The following ROGDI variants were observed in gnomAD, a reference collection of about 807,000 sequenced individuals.
ROGDI encodes the protein protein rogdi homolog.
Under a neutral mutation model 43.1 loss-of-function variants are expected in ROGDI, and 46 were observed. The observed-to-expected ratio is 1.07, with a 90% confidence interval of 0.84 to 1.37. The LOEUF is 1.37. Ranked by LOEUF, ROGDI falls within the 40% of genes most tolerant of loss-of-function variation. The pLI, the probability that ROGDI is intolerant of heterozygous loss-of-function variation, is 0.00. For synonymous variants in ROGDI, 243 were observed against 162.0 expected (o/e 1.50, Z -3.80); for missense variants, 518 against 383.9 (o/e 1.35, Z -2.92).
chr16:4,798,593 G>A lies in ROGDI; in HGVS notation c.507C>T (p.Pro169=), dbSNP rs767771299. The change falls in exon 7 of 11, where the codon CCC becomes CCT. Residue 169 remains proline, a synonymous_variant. Coordinates refer to ENST00000322048, the MANE Select transcript of ROGDI (RefSeq NM_024589.3). ...CCGTGAGGCCGCTGGCGGCGATCTCGGGGAGGGTGAGGGTGGCGGGGGTGG... is the reference window on the plus strand; with the variant it reads ...CCGTGAGGCCGCTGGCGGCGATCTCAGGGAGGGTGAGGGTGGCGGGGGTGG... ...RLTTPATLTL[P]EIAASGLTRM... is the part of the protein sequence containing the mutation. The A allele has an allele frequency of 3.2e-6, 5 of 1,570,250 alleles. No individual in the cohort carries two copies. Among genetic ancestry groups the A allele is most frequent in the Admixed American group, 1.9e-5 (1 of 52,804 alleles).
Position 4,799,681 on chromosome 16 carries a change from C to G in ROGDI, c.432+5G>C, listed in dbSNP as rs745852068. Reference sequence around the variant, plus strand: ...GCCCAGGAGTCAGGCCCGGGGGCAGCTCACCTTGAGGACCTCAGCGCCCGT... The same window carrying G: ...GCCCAGGAGTCAGGCCCGGGGGCAGGTCACCTTGAGGACCTCAGCGCCCGT... On this transcript the variant is annotated splice_donor_5th_base_variant and intron_variant, in intron 6 of 10. Transcript: ENST00000322048. The G allele has an allele frequency of 1.2e-6, 2 of 1,610,626 alleles. No individual in the cohort carries two copies. Among genetic ancestry groups the G allele is most frequent in the Non-Finnish European group, 8.5e-7 (1 of 1,177,720 alleles).
In ROGDI at chr16:4,801,296, T is replaced by C; in HGVS notation, c.226A>G (p.Thr76Ala). 1 of 1,608,792 alleles carries C rather than the reference T, an allele frequency of 6.2e-7. No homozygotes were observed. The highest frequency in any genetic ancestry group is 8.5e-7 in the Non-Finnish European group (1 of 1,176,450). Residue 76 changes from threonine (T) to alanine (A), a missense_variant, in exon 4 of 11, where the codon ACT becomes GCT. Thr to Ala is a moderately conservative substitution (Grantham distance 58, BLOSUM62 0). Coordinates refer to ENST00000322048, the MANE Select transcript of ROGDI (RefSeq NM_024589.3). Reference sequence around the variant, plus strand: ...TGGCTGAGGGCATCCCCCTGCAGAGTCAGCACACCCTTCACCTGGTCTGTG... The same window carrying C: ...TGGCTGAGGGCATCCCCCTGCAGAGCCAGCACACCCTTCACCTGGTCTGTG... ...CGTDQVKGVL[T>A]LQGDALSQAD...
chr16:4,797,823 C>T lies in ROGDI; in HGVS notation c.713G>A (p.Arg238His), dbSNP rs138409264. 8,991 of 1,612,036 alleles carry T rather than the reference C, an allele frequency of 5.6e-3. 35 individuals are homozygous for T. The highest frequency in any genetic ancestry group is 6.1e-3 in the Non-Finnish European group (7,252 of 1,179,924). Residue 238 changes from arginine (R) to histidine (H), a missense_variant, in exon 10 of 11, where the codon CGC becomes CAC. Transcript: ENST00000322048. ...PGAMFEWGSQ[R>H]LEVSHVHKVE... ...TTTGTGCACGTGGCTCACCTCCAGG[C>T]GCTGAGAGCCCCACTCGCTGTGGGC...
chr16:4,800,879 C>T, intron 4 of ROGDI: 2 of 519,668 alleles, frequency 3.8e-6, no homozygotes, highest in South Asian at 2.5e-5. Flanking sequence ...CATCTAGTGT[C>T]TACAAAGGGC....
At chr16:4,798,859 A>C (rs527381971) in intron 6 of ROGDI, 192 bp from the exon 7 acceptor site, 49 of 587,938 alleles carry the variant, frequency 8.3e-5, no homozygotes, top group Non-Finnish European at 1.2e-5. Flanking sequence ...GGATGTCTGC[A>C]CTAATGTCAG....
intron 7 of ROGDI, 186 bp downstream of exon 7, chr16:4,798,383 C>A (rs1428774940): frequency 5.7e-6 from 4 of 705,012 alleles, no homozygotes; most frequent in Middle Eastern, 4.1e-4. Context: ...AACCACTAAC[C>A]CGAAACAGGG....
chr16:4,798,742 C>G, intron 6 of ROGDI, 75 bp from the exon 7 acceptor site: 2 of 1,192,674 alleles, frequency 1.7e-6, no homozygotes, highest in East Asian at 2.6e-5. Context: ...CATGGTAGCT[C>G]CCACTCCCAC....
In ROGDI at chr16:4,801,550, G is replaced by GC. The variant is rs1567604012; in HGVS notation, c.152dup (p.Thr52HisfsTer2). The GC allele has an allele frequency of 7.5e-6, 12 of 1,606,710 alleles. No homozygotes were observed. Among genetic ancestry groups the GC allele is most frequent in the Non-Finnish European group, 1.0e-5 (12 of 1,176,868 alleles). On this transcript the variant is annotated frameshift_variant, in exon 3 of 11. Coordinates refer to ENST00000322048, the MANE Select transcript of ROGDI (RefSeq NM_024589.3). LOFTEE classifies it high-confidence loss of function. ...TCTCTTGCTTGGCGGGCCCCTCAGT[G>GC]CCGGAGCCCGGCAGAGTGAAGCGCA... is the stretch of plus-strand genomic sequence containing the variant.
intron 2 of ROGDI, 44 bp from the exon 3 acceptor site, chr16:4,801,629 G>A (rs1337899108): frequency 1.3e-6 from 2 of 1,529,810 alleles, no homozygotes; most frequent in African/African-American, 2.7e-5. Context: ...CGCCCACTCA[G>A]GCCCGGCCCA....
Position 4,798,559 on chromosome 16 carries a change from G to A in ROGDI, c.531+10C>T, listed in dbSNP as rs201876912. Reference sequence around the variant, plus strand: ...CCTCTCCTGCAGCAGGGGCTGGCAGGGGCACTGACCGTGAGGCCGCTGGCG... The same window carrying A: ...CCTCTCCTGCAGCAGGGGCTGGCAGAGGCACTGACCGTGAGGCCGCTGGCG... On this transcript the variant is annotated intron_variant, in intron 7 of 10. Coordinates refer to ENST00000322048, the MANE Select transcript of ROGDI (RefSeq NM_024589.3). 38 of 1,543,178 alleles carry A rather than the reference G, an allele frequency of 2.5e-5. No homozygotes were observed. The East Asian group carries it at 8.1e-4, about 33-fold the overall frequency.
At chr16:4,797,891 G>T (rs776881337) in intron 9 of ROGDI, 47 bp downstream of exon 9, 1 of 1,604,236 alleles carries the variant, frequency 6.2e-7, no homozygotes, top group Admixed American at 1.7e-5. Context: ...TCCAGGTGTG[G>T]AGGGATGGGG....
intron 2 of ROGDI, 59 bp downstream of exon 2, chr16:4,802,323 G>C (rs1408918779): frequency 1.4e-6 from 2 of 1,427,646 alleles, no homozygotes; most frequent in South Asian, 1.3e-5. Flanking sequence ...CCCAGGTGGA[G>C]CCAGGGAAAT....
At position 4,798,577 on chromosome 16, in the gene ROGDI, C is replaced by T. The variant is rs376116493; in HGVS notation, c.523G>A (p.Gly175Ser). ...TLTLPEIAAS[G>S]LTRMFAPALP... ...CTGGCAGGGGCACTGACCGTGAGGCCGCTGGCGGCGATCTCGGGGAGGGTG... is the reference window on the plus strand; with the variant it reads ...CTGGCAGGGGCACTGACCGTGAGGCTGCTGGCGGCGATCTCGGGGAGGGTG... Residue 175 changes from glycine to serine, a missense_variant, in exon 7 of 11, where the codon GGC becomes AGC. Transcript: ENST00000322048. The T allele has an allele frequency of 5.4e-5, 84 of 1,557,820 alleles. No individual in the cohort carries two copies. The highest frequency in any genetic ancestry group is 9.2e-5 in the East Asian group (4 of 43,586).
At position 4,801,119 on chromosome 16, in the gene ROGDI, G is replaced by T. The variant is rs148536597; in HGVS notation, c.255+148C>A. ...CACCGATCCCGGGAGAAGGTGTGAG[G>T]GTTGCTGTCATTTTCCAAAGGAGAA... On this transcript the variant is annotated intron_variant, in intron 4 of 10. Transcript: ENST00000322048. 4.5e-3 allele frequency: 2,778 copies of T among 613,482 alleles called. 19 individuals are homozygous for T. Among genetic ancestry groups the T allele is most frequent in the Middle Eastern group, 9.4e-3 (35 of 3,740 alleles). The allele number at this position is 613,482 out of a possible 1,614,324, so 38.0% of individuals were successfully genotyped here. A position where few individuals can be genotyped will look rare whatever the true frequency, so the allele number is the denominator to read the frequency against.
intron 7 of ROGDI, 77 bp downstream of exon 7, chr16:4,798,492 C>T (rs973458778): frequency 6.1e-6 from 7 of 1,143,580 alleles, no homozygotes; most frequent in African/African-American, 1.6e-5. Flanking sequence ...TGGCACCCCT[C>T]CGCGTCCATC....
chr16:4,802,152 C>T, intron 2 of ROGDI: 1 of 655,200 alleles, frequency 1.5e-6, no homozygotes, highest in Non-Finnish European at 2.8e-6. Flanking sequence ...GACCCGAGGC[C>T]GGGCGGGACT....
At chr16:4,798,789 C>CGG in intron 6 of ROGDI, 122 bp from the exon 7 acceptor site, 1 of 798,462 alleles carries the variant, frequency 1.3e-6, no homozygotes. Context: ...TCCCGAAACC[C>CGG]GGCAGCAGGG....
In ROGDI at chr16:4,797,433, C is replaced by G. The variant is rs1487393784; in HGVS notation, c.*27G>C. The G allele has an allele frequency of 1.9e-6, 3 of 1,607,928 alleles. No homozygotes were observed. Among genetic ancestry groups the G allele is most frequent in the Non-Finnish European group, 2.5e-6 (3 of 1,176,862 alleles). On this transcript the variant is annotated 3_prime_UTR_variant, in exon 11 of 11. Transcript: ENST00000322048. ...ATGAGTAGGGGACGGGGCCGCCTTC[C>G]TGGAGACAAGCTCCTGGGTGCTGTG... is the stretch of plus-strand genomic sequence containing the variant.
chr16:4,799,725 G>A lies in ROGDI; in HGVS notation c.393C>T (p.Asp131=). The A allele has an allele frequency of 6.2e-7, 1 of 1,613,756 alleles. No homozygotes were observed. Residue 131 remains aspartate (D), a synonymous_variant, in exon 6 of 11, where the codon GAC becomes GAT. Coordinates refer to ENST00000322048, the MANE Select transcript of ROGDI (RefSeq NM_024589.3). ...SQAIYLLTSR[D]QSYQFKTGAE... ...CGCCCGTCTTGAACTGGTAGCTCTG[G>A]TCCCGGCTGGTAAGCAGGTAAATGG...
Sources: allele counts gnomAD v4.1 joint callset, GRCh38; gene constraint gnomAD v4.1.1; transcripts MANE v1.5; gene names NCBI Gene and HGNC (gene_info 2026-07-23, HGNC 2026-07-21).